The following NGF variants were observed in gnomAD, a reference collection of about 807,000 sequenced individuals.
NGF encodes the protein nerve growth factor, also known as beta-nerve growth factor.
Under a neutral mutation model 12.8 loss-of-function variants are expected in NGF, and 4 were observed. That is an observed-to-expected ratio of 0.31 (90% CI 0.15 to 0.72). The LOEUF (loss-of-function observed/expected upper bound fraction) is 0.72. Among genes scored for constraint, NGF ranks in the 30% least tolerant of loss-of-function variants. NGF has a pLI of 0.69. For missense variants in NGF, 283 were observed against 330.8 expected (o/e 0.86, Z 1.12); for synonymous variants, 140 against 130.0 (o/e 1.08, Z -0.52).
At chr1:115,334,368 T>G (rs970558324) in intron 1 of NGF, among the ~76,000 whole-genome samples, 1 of 152,110 alleles carries the variant, frequency 6.6e-6, no homozygotes, top group Non-Finnish European at 1.5e-5. Context: ...TCTGCCTGTG[T>G]TTTTAATAAC....
At chr1:115,331,463 A>T (rs1426253279) in intron 1 of NGF, among the ~76,000 whole-genome samples, 1 of 152,170 alleles carries the variant, frequency 6.6e-6, no homozygotes, top group Non-Finnish European at 1.5e-5. Context: ...TACTTCCACT[A>T]GTTCCAGTTT....
chr1:115,328,368 G>A (rs1485222912), intron 1 of NGF, among the ~76,000 whole-genome samples: 1 of 152,172 alleles, frequency 6.6e-6, no homozygotes, highest in Non-Finnish European at 1.5e-5. Context: ...ACTCTTTCAT[G>A]TGCCCTCCAC....
intron 1 of NGF, among the ~76,000 whole-genome samples, chr1:115,325,600 TG>T (rs1654750963): frequency 6.6e-6 from 1 of 152,050 alleles, no homozygotes; most frequent in Non-Finnish European, 1.5e-5. Context: ...TGGAAATCCA[TG>T]GGAGGCTCAG....
intron 1 of NGF, among the ~76,000 whole-genome samples, chr1:115,294,349 A>T (rs1378143120): frequency 3.3e-5 from 5 of 152,222 alleles, no homozygotes; most frequent in Non-Finnish European, 5.9e-5. Context: ...ATACAATTTT[A>T]AAAAATCAAT....
chr1:115,337,657 G>A (rs1278665331), intron 1 of NGF, among the ~76,000 whole-genome samples: 1 of 152,068 alleles, frequency 6.6e-6, no homozygotes, highest in South Asian at 2.1e-4. Context: ...CTTCCGAGAC[G>A]CGCTGAGGGA....
chr1:115,294,312 A>G (rs554237019), intron 1 of NGF, among the ~76,000 whole-genome samples: 1 of 152,360 alleles, frequency 6.6e-6, no homozygotes, highest in African/African-American at 2.4e-5. Context: ...TGAAAGGCAG[A>G]TTTTAGGATT....
intron 1 of NGF, among the ~76,000 whole-genome samples, chr1:115,314,765 G>A (rs1353335597): frequency 3.3e-5 from 5 of 152,144 alleles, no homozygotes; most frequent in African/African-American, 4.8e-5. Flanking sequence ...GGATATAGTC[G>A]TGAACAGAAC....
chr1:115,299,401 G>C (rs1376077709), intron 1 of NGF, among the ~76,000 whole-genome samples: 1 of 152,178 alleles, frequency 6.6e-6, no homozygotes, highest in Admixed American at 6.5e-5. Context: ...CTCAGCTTGA[G>C]AATCAAAGGG....
intron 1 of NGF, among the ~76,000 whole-genome samples, chr1:115,296,867 T>A (rs990867046): frequency 1.3e-4 from 20 of 152,232 alleles, no homozygotes; most frequent in African/African-American, 3.9e-4. Flanking sequence ...ACAACCCAAA[T>A]GCATATCTAT....
chr1:115,299,369 G>A (rs539681294), intron 1 of NGF, among the ~76,000 whole-genome samples: 3 of 152,190 alleles, frequency 2.0e-5, no homozygotes, highest in Non-Finnish European at 4.4e-5. Context: ...TAGGTAGGAA[G>A]AAGTTGTTGT....
intron 1 of NGF, among the ~76,000 whole-genome samples, chr1:115,331,179 C>T (rs1654912291): frequency 6.6e-6 from 1 of 152,196 alleles, no homozygotes; most frequent in Non-Finnish European, 1.5e-5. Context: ...GCACTCTCTC[C>T]TTTCCCCTTC....
chr1:115,331,860 A>C (rs1028970090), intron 1 of NGF, among the ~76,000 whole-genome samples: 7 of 152,214 alleles, frequency 4.6e-5, no homozygotes, highest in African/African-American at 1.7e-4. Context: ...CCAGTGTCCC[A>C]GGTAGCATAT....
intron 1 of NGF, among the ~76,000 whole-genome samples, chr1:115,331,110 A>AG (rs72502827): frequency 0.074 from 11,302 of 152,228 alleles, 587 homozygotes; most frequent in East Asian, 0.16. Flanking sequence ...CACATCGGGA[A>AG]GGGGCCTCAG....
intron 1 of NGF, among the ~76,000 whole-genome samples, chr1:115,313,813 G>C (rs1002593582): frequency 6.6e-6 from 1 of 152,218 alleles, no homozygotes; most frequent in Non-Finnish European, 1.5e-5. Context: ...TGAGGAAACA[G>C]TTGAGGGCAG....
intron 1 of NGF, among the ~76,000 whole-genome samples, chr1:115,336,341 A>AT (rs1655107921): frequency 6.6e-6 from 1 of 152,116 alleles, no homozygotes; most frequent in Admixed American, 6.5e-5. Context: ...TTGGCTTCCC[A>AT]TTTTTGGTGC....
intron 1 of NGF, among the ~76,000 whole-genome samples, chr1:115,311,745 C>A (rs1017800329): frequency 3.3e-5 from 5 of 152,080 alleles, no homozygotes; most frequent in Non-Finnish European, 2.9e-5. Flanking sequence ...TTCTCAAATA[C>A]ATAAAGCATC....
chr1:115,333,960 C>T (rs1266855809), intron 1 of NGF, among the ~76,000 whole-genome samples: 2 of 151,870 alleles, frequency 1.3e-5, no homozygotes, highest in African/African-American at 2.4e-5. Flanking sequence ...CTATAATACC[C>T]TCCTACCCTC....
chr1:115,305,461 C>T (rs191035512), intron 1 of NGF, among the ~76,000 whole-genome samples: 14 of 152,304 alleles, frequency 9.2e-5, no homozygotes, highest in African/African-American at 3.1e-4. Flanking sequence ...CAGTTCCACC[C>T]TCTGGGTTTT....
At chr1:115,334,852 T>G (rs953281650) in intron 1 of NGF, among the ~76,000 whole-genome samples, 19 of 152,150 alleles carry the variant, frequency 1.2e-4, no homozygotes, top group African/African-American at 4.6e-4. Context: ...AGAAACAATA[T>G]AAATCCAATA....
Sources: allele counts gnomAD v4.1 joint callset (sites outside exome capture counted in the v4.1 genomes callset), GRCh38; gene constraint gnomAD v4.1.1; transcripts MANE v1.5; gene names NCBI Gene and HGNC (gene_info 2026-07-23, HGNC 2026-07-21).